ZFHX3: variants seen among roughly 807,000 people sequenced by gnomAD.
ZFHX3 encodes the protein zinc finger homeobox protein 3.
In ZFHX3, 42 loss-of-function variants were observed where a neutral mutation model predicts 279.1. That is an observed-to-expected ratio of 0.15 (90% confidence interval 0.12 to 0.19). The LOEUF is 0.19. Among genes scored for constraint, ZFHX3 ranks in the 10% least tolerant of loss-of-function variants. ZFHX3 has a pLI of 1.00. For missense variants in ZFHX3, 4,981 were observed against 4,754.0 expected (o/e 1.05, Z -1.40); for synonymous variants, 2,293 against 1,957.8 (o/e 1.17, Z -4.52).
intron 3 of ZFHX3, among the ~76,000 whole-genome samples, chr16:73,450,088 A>G (rs34467736): frequency 0.01 from 1,562 of 152,340 alleles, 13 homozygotes; most frequent in Non-Finnish European, 0.016. Context: ...TACACTGTGT[A>G]CTGATTACCA....
chr16:73,399,234 A>G (rs2017196287), intron 3 of ZFHX3, among the ~76,000 whole-genome samples: 1 of 152,226 alleles, frequency 6.6e-6, no homozygotes, highest in Non-Finnish European at 1.5e-5. Context: ...TGGGAACCTG[A>G]GTATCTGGAT....
chr16:73,622,418 C>T (rs1390496466), intron 2 of ZFHX3, among the ~76,000 whole-genome samples: 2 of 152,026 alleles, frequency 1.3e-5, no homozygotes, highest in East Asian at 3.9e-4. Flanking sequence ...TAAAATTAGC[C>T]AGGCGTGGTG....
chr16:72,857,047 A>G (rs2037770562), intron 4 of ZFHX3, among the ~76,000 whole-genome samples: 1 of 152,166 alleles, frequency 6.6e-6, no homozygotes, highest in South Asian at 2.1e-4. Context: ...TGTTTCCACA[A>G]TTCCACATTC....
intron 3 of ZFHX3, among the ~76,000 whole-genome samples, chr16:73,404,766 A>C (rs1427949491): frequency 6.6e-6 from 1 of 152,228 alleles, no homozygotes; most frequent in Non-Finnish European, 1.5e-5. Context: ...ACCTGAGTCC[A>C]CAGCCATGCT....
Position 73,580,505 on chromosome 16 carries a change from AAAC to A in ZFHX3, c.-1547+99672_-1547+99674del, listed in dbSNP as rs1169917300. On this transcript the variant is annotated intron_variant, in intron 2 of 17. Coordinates refer to the ZFHX3 transcript ENST00000641206. Reference sequence around the variant, plus strand: ...AAAACAAAAACAAAAACAAACAAACAAACAAAAAAAAAAAAACAGAGAAATTTC... The same window carrying A: ...AAAACAAAAACAAAAACAAACAAACAAAAAAAAAAAAAACAGAGAAATTTC... Among the ~76,000 whole-genome samples, 4 of 146,228 alleles carry A rather than the reference AAAC, an allele frequency of 2.7e-5. No individual in the cohort carries two copies. The South Asian group carries it at 8.5e-4, about 31-fold the overall frequency.
intron 1 of ZFHX3, among the ~76,000 whole-genome samples, chr16:73,888,850 A>T (rs2030433891): frequency 6.7e-6 from 1 of 150,084 alleles, no homozygotes; most frequent in Non-Finnish European, 1.5e-5. Context: ...ATTTCAGGCT[A>T]AAAAAAAACC....
chr16:72,803,288 C>T (rs1293676257), intron 7 of ZFHX3, among the ~76,000 whole-genome samples: 7 of 152,072 alleles, frequency 4.6e-5, no homozygotes, highest in South Asian at 2.1e-4. Context: ...GCTGAGATTG[C>T]GCCATTGCAC....
At chr16:73,282,576 G>T (rs1284920437) in intron 4 of ZFHX3, among the ~76,000 whole-genome samples, 1 of 151,968 alleles carries the variant, frequency 6.6e-6, no homozygotes, top group East Asian at 1.9e-4. Context: ...TTTGTCTTTT[G>T]TTTTCTGCAC....
At chr16:73,160,047 G>A (rs1191850185) in intron 5 of ZFHX3, among the ~76,000 whole-genome samples, 1 of 152,196 alleles carries the variant, frequency 6.6e-6, no homozygotes. Flanking sequence ...ACAGGCATGA[G>A]CCTCCACGCC....
chr16:73,637,014 A>G (rs935298973), intron 2 of ZFHX3, among the ~76,000 whole-genome samples: 1 of 152,134 alleles, frequency 6.6e-6, no homozygotes, highest in South Asian at 2.1e-4. Flanking sequence ...TAAAATATAT[A>G]CAAGTACAAT....
intron 8 of ZFHX3, among the ~76,000 whole-genome samples, chr16:73,083,768 G>A (rs1015167948): frequency 6.6e-6 from 1 of 152,142 alleles, no homozygotes; most frequent in Non-Finnish European, 1.5e-5. Context: ...GGGCTCAAGC[G>A]ATCTGCCCGC....
intron 1 of ZFHX3, among the ~76,000 whole-genome samples, chr16:72,993,433 C>T (rs80348302): frequency 0.023 from 3,497 of 152,282 alleles, 42 homozygotes; most frequent in Admixed American, 0.034. Flanking sequence ...TTCAGAATAA[C>T]GTGCAAAATC....
chr16:73,366,588 C>CAAAAAAA (rs61090242), intron 3 of ZFHX3, among the ~76,000 whole-genome samples: 1 of 121,914 alleles, frequency 8.2e-6, no homozygotes, highest in Non-Finnish European at 1.7e-5. Flanking sequence ...AAACCAAAAC[C>CAAAAAAA]AAAAAAAAAA....
chr16:72,873,116 G>A (rs1208997047), intron 4 of ZFHX3, among the ~76,000 whole-genome samples: 2 of 152,138 alleles, frequency 1.3e-5, no homozygotes, highest in Admixed American at 6.5e-5. Flanking sequence ...TACTCACTAC[G>A]GATCATCTTG....
chr16:72,982,547 A>C (rs1441154199), intron 1 of ZFHX3, among the ~76,000 whole-genome samples: 1 of 152,238 alleles, frequency 6.6e-6, no homozygotes, highest in Non-Finnish European at 1.5e-5. Flanking sequence ...GATGCCAAAG[A>C]CCCAAAGGAG....
intron 4 of ZFHX3, among the ~76,000 whole-genome samples, chr16:72,866,166 A>C (rs1003832877): frequency 6.6e-6 from 1 of 152,218 alleles, no homozygotes; most frequent in East Asian, 1.9e-4. Flanking sequence ...ATGAAATAAC[A>C]CTAACTTTTC....
rs186582279 is a variant in ZFHX3, at chr16:72,861,155, C to T, written c.3448+28576G>A. Among the ~76,000 whole-genome samples the T allele has an allele frequency of 1.1e-3, 167 of 152,350 alleles. 3 individuals are homozygous for T. The East Asian group carries it at 0.016, about 15-fold the overall frequency. ...TGTTGACATCACCCTTCTGGAAGTG[C>T]TTGGTACCAACTGTCCCCTACAGCC... is the stretch of plus-strand genomic sequence containing the variant. On this transcript the variant is annotated intron_variant, in intron 4 of 9. Transcript: ENST00000268489.
intron 7 of ZFHX3, among the ~76,000 whole-genome samples, chr16:73,115,034 T>A (rs539580694): frequency 1.4e-3 from 206 of 152,254 alleles, no homozygotes; most frequent in Non-Finnish European, 2.8e-3. Flanking sequence ...GAAGCAGCTG[T>A]CTTCAGCTTC....
rs977823979 is a variant in ZFHX3, at chr16:73,361,788, C to A, written c.-1290-43452G>T. On this transcript the variant is annotated intron_variant, in intron 3 of 17. Transcript: ENST00000641206. The stretch of plus-strand genomic sequence containing the variant: ...TTTTTGAGATTGCTTCCTACTGCAA[C>A]TTTGGGGCAATATTGTAAGTGACCG... 7.9e-5 allele frequency among the ~76,000 whole-genome samples: 12 copies of A among 152,132 alleles called. No homozygotes were observed. In the East Asian group the frequency reaches 2.3e-3, roughly 29 times the overall value.
Sources: allele counts gnomAD v4.1 joint callset (sites outside exome capture counted in the v4.1 genomes callset), GRCh38; gene constraint gnomAD v4.1.1; transcripts MANE v1.5; gene names NCBI Gene and HGNC (gene_info 2026-07-23, HGNC 2026-07-21).